Variants in WDR41 observed in about 807,000 individuals in gnomAD.
WDR41 encodes WD repeat domain 41.
Under a neutral mutation model 69.3 loss-of-function variants are expected in WDR41, and 63 were observed. That is an observed-to-expected ratio of 0.91 (90% CI 0.74 to 1.12). The LOEUF is 1.12. WDR41 is among the 50% of genes most tolerant of loss of function. The pLI is 0.00. For synonymous variants in WDR41, 185 were observed against 192.1 expected (o/e 0.96, Z 0.31); for missense variants, 543 against 534.5 (o/e 1.02, Z -0.16).
intron 12 of WDR41, 118 bp downstream of exon 12, chr5:77,436,143 G>A: frequency 7.4e-7 from 1 of 1,344,328 alleles, no homozygotes; most frequent in Non-Finnish European, 1.0e-6. Context: ...GTTCAGATCT[G>A]ACAAACACCT....
chr5:77,522,900 G>A (rs1802391131), intron 1 of WDR41, among the ~76,000 whole-genome samples: 1 of 152,206 alleles, frequency 6.6e-6, no homozygotes, highest in Non-Finnish European at 1.5e-5. Context: ...TGTGTAATGT[G>A]TGGTGAGAAA....
At chr5:77,460,156 G>A (rs1225751381) in intron 4 of WDR41, among the ~76,000 whole-genome samples, 2 of 152,198 alleles carry the variant, frequency 1.3e-5, no homozygotes, top group African/African-American at 2.4e-5. Flanking sequence ...CATCACTAGT[G>A]TGAGAAAATA....
chr5:77,590,492 C>T (rs1744116935), intron 1 of WDR41, among the ~76,000 whole-genome samples: 2 of 152,114 alleles, frequency 1.3e-5, no homozygotes, highest in Admixed American at 6.5e-5. Context: ...TTACAAGCCT[C>T]GAAGGATAGG....
intron 2 of WDR41, among the ~76,000 whole-genome samples, chr5:77,465,516 C>T (rs72769063): frequency 0.018 from 2,741 of 152,120 alleles, 35 homozygotes; most frequent in Middle Eastern, 0.061. Context: ...AAAGGAATAA[C>T]CTGTCATACA....
intron 2 of WDR41, among the ~76,000 whole-genome samples, chr5:77,466,198 C>A (rs1800297173): frequency 6.6e-6 from 1 of 151,796 alleles, no homozygotes; most frequent in South Asian, 2.1e-4. Flanking sequence ...ATCATTTATT[C>A]TTATTTTAAA....
chr5:77,534,188 TA>T (rs35528551), intron 1 of WDR41, among the ~76,000 whole-genome samples: 50,279 of 151,936 alleles, frequency 0.33, 8,452 homozygotes, highest in Middle Eastern at 0.36. Context: ...CTTTGCTTAT[TA>T]AAAAATAATC....
At chr5:77,509,682 G>A (rs935932240) in intron 1 of WDR41, among the ~76,000 whole-genome samples, 3 of 152,148 alleles carry the variant, frequency 2.0e-5, no homozygotes, top group Non-Finnish European at 1.5e-5. Context: ...GGTTGCTTAC[G>A]GGTGGGGAAA....
chr5:77,552,333 A>G (rs916323279), intron 1 of WDR41, among the ~76,000 whole-genome samples: 24 of 152,204 alleles, frequency 1.6e-4, no homozygotes, highest in Non-Finnish European at 2.5e-4. Flanking sequence ...TTTACTTAAC[A>G]TGTGCAAGAT....
At chr5:77,522,688 A>G (rs911217984) in intron 1 of WDR41, among the ~76,000 whole-genome samples, 2 of 152,054 alleles carry the variant, frequency 1.3e-5, no homozygotes, top group African/African-American at 4.8e-5. Context: ...AAATAGTAAG[A>G]AGGCCAAGAA....
intron 9 of WDR41, among the ~76,000 whole-genome samples, 172 bp downstream of exon 9, chr5:77,440,641 A>AT (rs1290356204): frequency 6.6e-6 from 1 of 152,228 alleles, no homozygotes; most frequent in Non-Finnish European, 1.5e-5. Context: ...AGAAGCAAAG[A>AT]TTAAAATGCT....
chr5:77,433,099 T>G lies in WDR41; in HGVS notation c.*36A>C. 1.3e-6 allele frequency: 2 copies of G among 1,569,276 alleles called. No homozygotes were observed. The highest frequency in any genetic ancestry group is 1.7e-6 in the Non-Finnish European group (2 of 1,158,468). On this transcript the variant is annotated 3_prime_UTR_variant, in exon 13 of 13. Coordinates refer to ENST00000296679, the MANE Select transcript of WDR41 (RefSeq NM_018268.4). Reference sequence around the variant, plus strand: ...CAGAGTAGTACCCGATATTTGATGTTCAAGGTTCATGCATGTGTATTTTTA... The same window carrying G: ...CAGAGTAGTACCCGATATTTGATGTGCAAGGTTCATGCATGTGTATTTTTA...
chr5:77,474,097 A>G (rs1001561845), intron 2 of WDR41, among the ~76,000 whole-genome samples: 1 of 152,192 alleles, frequency 6.6e-6, no homozygotes, highest in African/African-American at 2.4e-5. Context: ...ATGGAATACT[A>G]TGCAGCCATA....
intron 8 of WDR41, among the ~76,000 whole-genome samples, chr5:77,446,255 A>G (rs1799375507): frequency 6.6e-6 from 1 of 152,184 alleles, no homozygotes; most frequent in South Asian, 2.1e-4. Context: ...ACTACAAACC[A>G]CTGCTCAAGG....
At chr5:77,480,251 T>C (rs1472003989) in intron 2 of WDR41, 2 of 152,124 alleles carry the variant, frequency 1.3e-5, no homozygotes, top group Non-Finnish European at 2.9e-5. Context: ...TCAACCATTG[T>C]GGAAGTCAGT....
At chr5:77,503,950 C>T (rs138044150) in intron 1 of WDR41, among the ~76,000 whole-genome samples, 1,824 of 152,050 alleles carry the variant, frequency 0.012, 36 homozygotes, top group African/African-American at 0.04. Context: ...GACACCCTAC[C>T]GTCACAATTA....
At chr5:77,532,471 G>C (rs1475377896) in intron 1 of WDR41, among the ~76,000 whole-genome samples, 1 of 152,048 alleles carries the variant, frequency 6.6e-6, no homozygotes, top group Non-Finnish European at 1.5e-5. Flanking sequence ...ATAAACGAGT[G>C]TACATGAGCA....
At chr5:77,610,092 A>C (rs1744516455) in intron 1 of WDR41, among the ~76,000 whole-genome samples, 4 of 152,284 alleles carry the variant, frequency 2.6e-5, no homozygotes, top group Admixed American at 6.5e-5. Flanking sequence ...TGAAGTGAGA[A>C]GGGAAGTTTA....
At chr5:77,594,059 G>T (rs1419620016) in intron 1 of WDR41, among the ~76,000 whole-genome samples, 1 of 151,946 alleles carries the variant, frequency 6.6e-6, no homozygotes, top group Non-Finnish European at 1.5e-5. Context: ...TAATTTTCAG[G>T]AGTCTTCACA....
chr5:77,559,399 A>G (rs1743477875), intron 1 of WDR41, among the ~76,000 whole-genome samples: 1 of 152,146 alleles, frequency 6.6e-6, no homozygotes, highest in Admixed American at 6.5e-5. Flanking sequence ...AGTTTATATA[A>G]TTTGATTGTT....
Sources: gnomAD v4.1 joint callset for allele counts (sites outside exome capture counted in the v4.1 genomes callset) on GRCh38, gnomAD v4.1.1 for gene constraint, MANE v1.5 for transcripts, NCBI Gene and HGNC (gene_info 2026-07-23, HGNC 2026-07-21) for gene names.